The following APAF1 variants were observed in gnomAD, a reference collection of about 807,000 sequenced individuals.
APAF1 encodes apoptotic protease-activating factor 1.
A neutral mutation model predicts 152.4 loss-of-function variants in APAF1; 91 were observed. The ratio of observed to expected loss-of-function variants is 0.60; its 90% CI spans 0.50 to 0.71. The LOEUF (loss-of-function observed/expected upper bound fraction) is 0.71. Ranked by LOEUF, APAF1 falls within the 30% of genes least tolerant of loss-of-function variation. The pLI, the probability that APAF1 is intolerant of heterozygous loss-of-function variation, is 0.00. For missense variants in APAF1, 1,283 were observed against 1,472.0 expected (o/e 0.87, Z 2.10); for synonymous variants, 484 against 494.1 (o/e 0.98, Z 0.27).
chr12:98,685,611 G>C (rs1034515290), intron 15 of APAF1, among the ~76,000 whole-genome samples: 1 of 151,716 alleles, frequency 6.6e-6, no homozygotes, highest in Non-Finnish European at 1.5e-5. Flanking sequence ...TAGGATTACA[G>C]GTGTGAGCCA....
Position 98,734,879 on chromosome 12 carries a change from TA to T in APAF1, c.*2317del, listed in dbSNP as rs2097767071. On this transcript the variant is annotated 3_prime_UTR_variant, in exon 27 of 27. Coordinates refer to ENST00000551964, the MANE Select transcript of APAF1 (RefSeq NM_181861.2). ...AGTATAAAGTATTACCTTTTGGAAT[TA>T]AAAGCCACTGACTGTTATAAAGTAT... 1 of 285,718 alleles carries T rather than the reference TA, an allele frequency of 3.5e-6. No homozygotes were observed. The highest frequency in any genetic ancestry group is 6.4e-6 in the Non-Finnish European group (1 of 155,880). The allele number at this position is 285,718 out of a possible 1,614,324, so 17.7% of individuals were successfully genotyped here.
intron 26 of APAF1, among the ~76,000 whole-genome samples, chr12:98,732,051 G>A (rs1243531262): frequency 2.0e-5 from 3 of 152,198 alleles, no homozygotes; most frequent in African/African-American, 4.8e-5. Context: ...GGGCATTTGA[G>A]TGAAGAGAGG....
At chr12:98,715,233 TGC>T (rs2097732832) in intron 21 of APAF1, among the ~76,000 whole-genome samples, 192 bp from the exon 22 acceptor site, 1 of 84,554 alleles carries the variant, frequency 1.2e-5, no homozygotes. Context: ...ATACATGGTG[TGC>T]ATATATATAT....
At position 98,669,122 on chromosome 12, in the gene APAF1, T is replaced by C. The variant is rs965606815; in HGVS notation, c.1494+1478T>C. Among the ~76,000 whole-genome samples the C allele has an allele frequency of 2.6e-5, 4 of 152,246 alleles. No homozygotes were observed. The East Asian group carries it at 7.7e-4, about 29-fold the overall frequency. ...GTATATTGGAATGATGGTATTCCAA[T>C]AAATACTTGTGCCCTAATTTACTTA... On this transcript the variant is annotated intron_variant, in intron 10 of 26. Coordinates refer to ENST00000551964, the MANE Select transcript of APAF1 (RefSeq NM_181861.2).
Position 98,734,915 on chromosome 12 carries a change from C to T in APAF1, c.*2349C>T, listed in dbSNP as rs1268857381. The T allele has an allele frequency of 8.9e-6, 3 of 338,622 alleles. No individual in the cohort carries two copies. The highest frequency in any genetic ancestry group is 1.6e-5 in the Non-Finnish European group (3 of 189,884). 21.0% of individuals were successfully genotyped at this position (338,622 alleles called of 1,614,324 possible). ...GACTGTTATAAAGTATAACAACACA[C>T]ATCAGGTTTTAAAAAGCCTTGAATG... On this transcript the variant is annotated 3_prime_UTR_variant, in exon 27 of 27. Transcript: ENST00000551964.
chr12:98,688,464 T>A (rs559454716), intron 16 of APAF1, among the ~76,000 whole-genome samples: 67 of 127,540 alleles, frequency 5.3e-4, no homozygotes, highest in African/African-American at 1.9e-3. Context: ...TACCACTGTT[T>A]TCTTTCTTTT....
At chr12:98,721,399 A>G (rs2097742533) in intron 22 of APAF1, among the ~76,000 whole-genome samples, 1 of 152,236 alleles carries the variant, frequency 6.6e-6, no homozygotes, top group Admixed American at 6.5e-5. Flanking sequence ...TCTGTAAACT[A>G]GGAGGAGCTG....
At chr12:98,717,192 T>A (rs1024368104) in intron 22 of APAF1, among the ~76,000 whole-genome samples, 1 of 151,810 alleles carries the variant, frequency 6.6e-6, no homozygotes, top group Non-Finnish European at 1.5e-5. Flanking sequence ...TTTGGGGAGT[T>A]TTCCTCAGTT....
chr12:98,680,121 A>G (rs2097690772), intron 13 of APAF1, among the ~76,000 whole-genome samples, 156 bp from the exon 14 acceptor site: 1 of 152,266 alleles, frequency 6.6e-6, no homozygotes, highest in Non-Finnish European at 1.5e-5. Context: ...AGGCATACAC[A>G]TTCTGACAGA....
chr12:98,729,264 G>A (rs1012170513), intron 26 of APAF1, among the ~76,000 whole-genome samples: 1 of 152,166 alleles, frequency 6.6e-6, no homozygotes, highest in African/African-American at 2.4e-5. Flanking sequence ...TTGGCACTAG[G>A]GACTGGTTTC....
intron 12 of APAF1, among the ~76,000 whole-genome samples, chr12:98,673,447 A>AC (rs1555216406): frequency 5.3e-5 from 8 of 151,840 alleles, no homozygotes; most frequent in African/African-American, 1.9e-4. Context: ...AAAAACAAAA[A>AC]AAAAAAAAAC....
chr12:98,722,694 C>T (rs1281828481), intron 22 of APAF1, among the ~76,000 whole-genome samples: 5 of 152,072 alleles, frequency 3.3e-5, no homozygotes, highest in South Asian at 2.1e-4. Flanking sequence ...TTGAGGATTG[C>T]GATGGGGGAT....
chr12:98,697,365 A>T (rs2097711076), intron 16 of APAF1, among the ~76,000 whole-genome samples: 1 of 152,128 alleles, frequency 6.6e-6, no homozygotes, highest in Non-Finnish European at 1.5e-5. Flanking sequence ...TACTTCCCTT[A>T]CTGGCCTGTC....
At chr12:98,661,279 A>G (rs2097664912) in intron 5 of APAF1, among the ~76,000 whole-genome samples, 1 of 152,060 alleles carries the variant, frequency 6.6e-6, no homozygotes, top group Non-Finnish European at 1.5e-5. Context: ...TTGCTCAGTA[A>G]CTTTTCCCTA....
At chr12:98,675,791 G>C (rs912235727) in intron 12 of APAF1, among the ~76,000 whole-genome samples, 10 of 152,150 alleles carry the variant, frequency 6.6e-5, no homozygotes, top group African/African-American at 2.4e-4. Flanking sequence ...AACTGTACTT[G>C]TTTGTTTTAT....
chr12:98,666,128 C>G, intron 8 of APAF1, 62 bp from the exon 9 acceptor site: 2 of 1,483,094 alleles, frequency 1.3e-6, no homozygotes, highest in Non-Finnish European at 1.9e-6. Context: ...TGTGATAATA[C>G]CTGTCTACAG....
Position 98,699,525 on chromosome 12 carries a change from G to C in APAF1, c.2422G>C (p.Ala808Pro), listed in dbSNP as rs747836791. ...GATAGTGAAGTGTTGTTCGTGGTCTGCTGATGGTGCAAGGATAATGGTGGC... is the reference window on the plus strand; with the variant it reads ...GATAGTGAAGTGTTGTTCGTGGTCTCCTGATGGTGCAAGGATAATGGTGGC... ...EVIVKCCSWSADGARIMVAAK... is the reference protein window; with the variant it reads ...EVIVKCCSWSPDGARIMVAAK... Residue 808 changes from alanine to proline, a missense_variant, in exon 17 of 27, where the codon GCT becomes CCT. Ala to Pro is a conservative substitution (Grantham distance 27). Coordinates refer to ENST00000551964, the MANE Select transcript of APAF1 (RefSeq NM_181861.2). 6.2e-7 allele frequency: 1 copy of C among 1,614,194 alleles called. No homozygotes were observed. The highest frequency in any genetic ancestry group is 8.5e-7 in the Non-Finnish European group (1 of 1,180,034).
chr12:98,727,949 A>AAAAT (rs1217848926), intron 26 of APAF1, among the ~76,000 whole-genome samples: 16 of 149,540 alleles, frequency 1.1e-4, no homozygotes, highest in Admixed American at 8.0e-4. Context: ...CTCAAAAAAG[A>AAAAT]AAATAAATAA....
chr12:98,655,403 C>T (rs1311642602), intron 4 of APAF1, among the ~76,000 whole-genome samples: 4 of 151,360 alleles, frequency 2.6e-5, no homozygotes, highest in Admixed American at 1.3e-4. Flanking sequence ...CCAGTAGGGG[C>T]GGCCGGGCAG....
Sources: allele counts gnomAD v4.1 joint callset (sites outside exome capture counted in the v4.1 genomes callset), GRCh38; gene constraint gnomAD v4.1.1; transcripts MANE v1.5; gene names NCBI Gene and HGNC (gene_info 2026-07-23, HGNC 2026-07-21).